Variants in PCDHA9 observed in about 807,000 individuals in gnomAD.
PCDHA9 encodes protocadherin alpha-9.
Under a neutral mutation model 62.0 loss-of-function variants are expected in PCDHA9, and 62 were observed. That is an observed-to-expected ratio of 1.00 (90% CI 0.81 to 1.23). The LOEUF (loss-of-function observed/expected upper bound fraction) is 1.23. PCDHA9 is among the 50% of genes most tolerant of loss of function. The pLI is 0.00. For missense variants in PCDHA9, 1,205 were observed against 1,249.8 expected (o/e 0.96, Z 0.54); for synonymous variants, 557 against 567.6 (o/e 0.98, Z 0.27).
intron 1 of PCDHA9, among the ~76,000 whole-genome samples, chr5:140,878,566 A>G (rs2057645190): frequency 6.6e-6 from 1 of 152,262 alleles, no homozygotes. Context: ...AACTTATCAT[A>G]GTATACCACT....
At chr5:140,961,984 C>T (rs1037951528) in intron 1 of PCDHA9, among the ~76,000 whole-genome samples, 69 of 151,884 alleles carry the variant, frequency 4.5e-4, no homozygotes, top group African/African-American at 1.5e-3. Context: ...CCTGGGTTCA[C>T]GCCATTGTCC....
rs142150910 is a variant in PCDHA9, at chr5:140,945,405, C to T, written c.2395-33544C>T. ...AGCAATATACAAATTCAATACAATTCGTATCAAAATTTCAATGAAGTTTTT... is the reference window on the plus strand; with the variant it reads ...AGCAATATACAAATTCAATACAATTTGTATCAAAATTTCAATGAAGTTTTT... On this transcript the variant is annotated intron_variant, in intron 1 of 3. Transcript: ENST00000532602. Among the ~76,000 whole-genome samples, 454 of 152,016 alleles carry T rather than the reference C, an allele frequency of 3.0e-3. 3 individuals are homozygous for T. Among genetic ancestry groups the T allele is most frequent in the African/African-American group, 9.6e-3 (400 of 41,488 alleles).
rs1212055845 is a variant in PCDHA9 at position 140,857,419 on chromosome 5, C to T, written c.2394+6530C>T. On this transcript the variant is annotated intron_variant, in intron 1 of 3. Coordinates refer to ENST00000532602, the MANE Select transcript of PCDHA9 (RefSeq NM_031857.2). ...ACAACGCGCCTGCGTTCGCGCAGTC[C>T]GAGTACACGGTGTTCGTGAAGGAGA... The T allele has an allele frequency of 3.1e-6, 5 of 1,598,216 alleles. 1 individual carries two copies. The African/African-American group carries it at 6.7e-5, about 22-fold the overall frequency.
chr5:140,975,752 A>G (rs577986836), intron 1 of PCDHA9, among the ~76,000 whole-genome samples: 2 of 152,320 alleles, frequency 1.3e-5, no homozygotes, highest in East Asian at 1.9e-4. Flanking sequence ...CAAATATTCT[A>G]TGTCATAAAT....
intron 1 of PCDHA9, among the ~76,000 whole-genome samples, chr5:140,885,350 G>C (rs1050079674): frequency 6.6e-6 from 1 of 152,108 alleles, no homozygotes; most frequent in African/African-American, 2.4e-5. Context: ...ATTTCCAAAA[G>C]GTACTGGTGA....
At chr5:140,998,122 A>G (rs2097797315) in intron 3 of PCDHA9, among the ~76,000 whole-genome samples, 1 of 152,214 alleles carries the variant, frequency 6.6e-6, no homozygotes, top group Admixed American at 6.5e-5. Flanking sequence ...TTACTTGTGA[A>G]TCATAATAGC....
rs1032045343 is a variant in PCDHA9 at position 140,949,549 on chromosome 5, G to A, written c.2395-29400G>A. On this transcript the variant is annotated intron_variant, in intron 1 of 3. Transcript: ENST00000532602. Reference sequence around the variant, plus strand: ...CTTCATAAAATATCGATTTGTTGCTGGTCATACTTTTTTTCTTGTAGTAGC... The same window carrying A: ...CTTCATAAAATATCGATTTGTTGCTAGTCATACTTTTTTTCTTGTAGTAGC... Among the ~76,000 whole-genome samples the A allele has an allele frequency of 2.0e-5, 3 of 151,684 alleles. No homozygotes were observed. In the South Asian group the frequency reaches 6.2e-4, roughly 31 times the overall value.
rs1417036031 is a variant in PCDHA9, at chr5:140,855,830, G to A, written c.2394+4941G>A. On this transcript the variant is annotated intron_variant, in intron 1 of 3. Coordinates refer to ENST00000532602, the MANE Select transcript of PCDHA9 (RefSeq NM_031857.2). Reference sequence around the variant, plus strand: ...AGAAAAGTTGTGAACTCATGGAATCGTACTTACACCTAAAGCCACCGGATG... The same window carrying A: ...AGAAAAGTTGTGAACTCATGGAATCATACTTACACCTAAAGCCACCGGATG... The A allele has an allele frequency of 5.8e-5, 33 of 567,192 alleles. 2 individuals carry two copies. Among genetic ancestry groups the A allele is most frequent in the Non-Finnish European group, 9.5e-5 (31 of 325,120 alleles). The allele number at this position is 567,192 out of a possible 1,614,324, so 35.1% of individuals were successfully genotyped here.
chr5:140,884,461 G>A (rs2060188157), intron 1 of PCDHA9: 3 of 1,613,646 alleles, frequency 1.9e-6, no homozygotes, highest in African/African-American at 1.3e-5. Flanking sequence ...CCGAGGGCGC[G>A]TGCGCGCCGG....
At chr5:140,920,023 C>T (rs1554199365) in intron 1 of PCDHA9, among the ~76,000 whole-genome samples, 1 of 152,096 alleles carries the variant, frequency 6.6e-6, no homozygotes, top group Non-Finnish European at 1.5e-5. Flanking sequence ...AAGATGGAGA[C>T]AGAGATTGGA....
rs2150410181 is a variant in PCDHA9 at position 140,848,414 on chromosome 5, C to A, written c.-82C>A. On this transcript the variant is annotated 5_prime_UTR_variant, in exon 1 of 4. Transcript: ENST00000532602. ...CTGTGCTGAACGATGGCGAACACAGCAGAATGGGACTGACGAAATCAGATG... is the reference window on the plus strand; with the variant it reads ...CTGTGCTGAACGATGGCGAACACAGAAGAATGGGACTGACGAAATCAGATG... The A allele has an allele frequency of 1.2e-3, 1,716 of 1,381,822 alleles. 109 individuals carry two copies. The African/African-American group carries it at 0.021, about 17-fold the overall frequency. The allele number at this position is 1,381,822 out of a possible 1,614,324, so 85.6% of individuals were successfully genotyped here. A position where few individuals can be genotyped will look rare whatever the true frequency, so the allele number is the denominator to read the frequency against.
chr5:140,961,263 T>A (rs782231630), intron 1 of PCDHA9, among the ~76,000 whole-genome samples: 1 of 152,218 alleles, frequency 6.6e-6, no homozygotes, highest in Non-Finnish European at 1.5e-5. Flanking sequence ...TCCAGGAAGC[T>A]TCTTTTTACC....
chr5:140,882,859 GA>G (rs1554175853), intron 1 of PCDHA9: 4 of 1,614,192 alleles, frequency 2.5e-6, no homozygotes, highest in Non-Finnish European at 3.4e-6. Flanking sequence ...TTGTACTGAG[GA>G]AAACACTGGA....
rs145079458 is a variant in PCDHA9, at chr5:140,855,999, T to C, written c.2394+5110T>C. 135 of 1,513,714 alleles carry C rather than the reference T, an allele frequency of 8.9e-5. 2 individuals are homozygous for C. The East Asian group carries it at 2.5e-3, about 28-fold the overall frequency. 93.8% of individuals were successfully genotyped at this position (1,513,714 alleles called of 1,614,324 possible). On this transcript the variant is annotated intron_variant, in intron 1 of 3. Transcript: ENST00000532602. ...AGGACAGAAAATGTCAGATCGTATG[T>C]GCGTTCTAGACCGCTGATTCGTCGA... is the stretch of plus-strand genomic sequence containing the variant.
Position 140,928,044 on chromosome 5 carries a change from T to C in PCDHA9, c.2395-50905T>C, listed in dbSNP as rs782342331. The C allele has an allele frequency of 4.6e-5, 75 of 1,614,078 alleles. 1 individual carries two copies. The highest frequency in any genetic ancestry group is 3.0e-4 in the Admixed American group (18 of 60,006). On this transcript the variant is annotated intron_variant, in intron 1 of 3. Transcript: ENST00000532602. The stretch of plus-strand genomic sequence containing the variant: ...TTTGTGGCATGTCTAGTGCAGGCCC[T>C]TTTCAGCTGACGGCTTCCTTTGACA...
chr5:140,998,569 GT>G (rs71574497), intron 3 of PCDHA9, among the ~76,000 whole-genome samples: 30,440 of 149,318 alleles, frequency 0.2, 3,131 homozygotes, highest in Middle Eastern at 0.33. Flanking sequence ...TTGTAAATAA[GT>G]TTTTTTTTTT....
At chr5:140,877,196 G>C (rs782703953) in intron 1 of PCDHA9, 1 of 1,613,808 alleles carries the variant, frequency 6.2e-7, no homozygotes, top group East Asian at 2.2e-5. Context: ...AGCGCAGGAG[G>C]CGCAGTTAGC....
chr5:140,898,843 C>G (rs1449030828), intron 1 of PCDHA9, among the ~76,000 whole-genome samples: 17 of 152,100 alleles, frequency 1.1e-4, no homozygotes, highest in Non-Finnish European at 1.3e-4. Context: ...TCTTCCATTT[C>G]TTTGTATCCT....
At chr5:140,871,422 C>T in intron 1 of PCDHA9, 1 of 1,613,658 alleles carries the variant, frequency 6.2e-7, no homozygotes, top group Non-Finnish European at 8.5e-7. Context: ...CCTTCAGCCC[C>T]AGTCTTCCTC....
Sources: gnomAD v4.1 joint callset for allele counts (sites outside exome capture counted in the v4.1 genomes callset) on GRCh38, gnomAD v4.1.1 for gene constraint, MANE v1.5 for transcripts, NCBI Gene and HGNC (gene_info 2026-07-23, HGNC 2026-07-21) for gene names.